GRM7: variants seen among roughly 807,000 people sequenced by gnomAD.
GRM7 encodes glutamate metabotropic receptor 7, also known as metabotropic glutamate receptor 7.
In GRM7, 35 loss-of-function variants were observed where a neutral mutation model predicts 84.5. The ratio of observed to expected loss-of-function variants is 0.41; its 90% confidence interval spans 0.32 to 0.55. The LOEUF (loss-of-function observed/expected upper bound fraction) is 0.55. Ranked by LOEUF, GRM7 falls within the 20% of genes least tolerant of loss-of-function variation. GRM7 has a pLI of 0.19. For missense variants in GRM7, 1,003 were observed against 1,194.6 expected (o/e 0.84, Z 2.36); for synonymous variants, 487 against 455.1 (o/e 1.07, Z -0.89).
intron 1 of GRM7, among the ~76,000 whole-genome samples, chr3:7,085,009 G>C (rs1038416012): frequency 6.6e-6 from 1 of 152,078 alleles, no homozygotes; most frequent in Non-Finnish European, 1.5e-5. Flanking sequence ...AAAGACAAAG[G>C]TGTCATGAGC....
At chr3:7,615,984 A>G (rs1295709616) in intron 8 of GRM7, among the ~76,000 whole-genome samples, 1 of 152,100 alleles carries the variant, frequency 6.6e-6, no homozygotes, top group Non-Finnish European at 1.5e-5. Flanking sequence ...ATAGTAGATA[A>G]GTAGATACAT....
intron 7 of GRM7, among the ~76,000 whole-genome samples, chr3:7,480,225 A>T (rs1699076482): frequency 6.6e-6 from 1 of 152,190 alleles, no homozygotes; most frequent in Non-Finnish European, 1.5e-5. Context: ...CAACTCCGCT[A>T]GGCCCCTCAA....
At chr3:6,907,750 A>C (rs1696631704) in intron 1 of GRM7, among the ~76,000 whole-genome samples, 1 of 152,196 alleles carries the variant, frequency 6.6e-6, no homozygotes, top group Non-Finnish European at 1.5e-5. Flanking sequence ...GTTCTTTTAG[A>C]AACAAATGTC....
intron 8 of GRM7, among the ~76,000 whole-genome samples, chr3:7,617,807 A>C (rs368425102): frequency 1.2e-4 from 18 of 152,258 alleles, no homozygotes; most frequent in African/African-American, 4.3e-4. Flanking sequence ...AACTATTCCA[A>C]ATGTCGACCT....
rs1165234212 is a variant in GRM7 at position 7,713,114 on chromosome 3, A to ATTTTTT, written c.2699-27239_2699-27238insTTTTTT. On this transcript the variant is annotated intron_variant, in intron 9 of 9. Transcript: ENST00000357716. ...ATATTCACAGATAGAGAGGATTCGA[A>ATTTTTT]TTTTGTTTTGTTTTTTTTTTTTTTT... Among the ~76,000 whole-genome samples the ATTTTTT allele has an allele frequency of 8.5e-5, 11 of 129,838 alleles. 1 individual carries two copies. Among genetic ancestry groups the ATTTTTT allele is most frequent in the African/African-American group, 2.2e-4 (7 of 32,050 alleles). The allele number at this position is 129,838 out of a possible 152,430, so 85.2% of individuals were successfully genotyped here.
At chr3:7,454,677 T>C (rs1215630880) in intron 6 of GRM7, among the ~76,000 whole-genome samples, 2 of 152,042 alleles carry the variant, frequency 1.3e-5, no homozygotes, top group Non-Finnish European at 2.9e-5. Flanking sequence ...TTGCGGATAA[T>C]GAGAGCCAGG....
chr3:6,939,512 A>G (rs1328596377), intron 1 of GRM7, among the ~76,000 whole-genome samples: 1 of 152,164 alleles, frequency 6.6e-6, no homozygotes, highest in Non-Finnish European at 1.5e-5. Context: ...AATAGAAAGC[A>G]TATATATTTC....
At chr3:7,254,248 T>C (rs956831988) in intron 2 of GRM7, among the ~76,000 whole-genome samples, 1 of 152,132 alleles carries the variant, frequency 6.6e-6, no homozygotes, top group African/African-American at 2.4e-5. Flanking sequence ...ACCTTGAAAG[T>C]ATGAATATTT....
chr3:7,384,437 A>C (rs997337837), intron 4 of GRM7, among the ~76,000 whole-genome samples: 11 of 152,326 alleles, frequency 7.2e-5, no homozygotes, highest in African/African-American at 2.6e-4. Flanking sequence ...GTTTGTGCCA[A>C]TGCTGTCCAA....
intron 1 of GRM7, among the ~76,000 whole-genome samples, chr3:6,957,040 G>A (rs1386946794): frequency 1.3e-5 from 2 of 152,126 alleles, no homozygotes; most frequent in Admixed American, 6.5e-5. Flanking sequence ...TATAGATATA[G>A]CGTTATAATT....
At chr3:7,487,336 A>C (rs1699358606) in intron 7 of GRM7, among the ~76,000 whole-genome samples, 1 of 152,202 alleles carries the variant, frequency 6.6e-6, no homozygotes, top group Admixed American at 6.5e-5. Flanking sequence ...CATGTCCTGA[A>C]GAGAATGCTG....
intron 1 of GRM7, among the ~76,000 whole-genome samples, chr3:7,044,070 C>T (rs1696720431): frequency 6.6e-6 from 1 of 152,226 alleles, no homozygotes; most frequent in Non-Finnish European, 1.5e-5. Context: ...AAAAATATCA[C>T]ATCACCTTAT....
chr3:7,301,979 A>G (rs60523912), intron 3 of GRM7, among the ~76,000 whole-genome samples: 1,707 of 152,290 alleles, frequency 0.011, 37 homozygotes, highest in African/African-American at 0.036. Context: ...AGTCATGGGT[A>G]TAGATGATTT....
intron 1 of GRM7, among the ~76,000 whole-genome samples, chr3:7,087,183 G>T (rs887462625): frequency 1.3e-5 from 2 of 152,120 alleles, no homozygotes; most frequent in African/African-American, 2.4e-5. Context: ...TAGTGGTTAA[G>T]ATATTTGGTT....
Position 7,342,846 on chromosome 3 carries a change from C to T in GRM7, c.1033+36194C>T, listed in dbSNP as rs1225311318. Among the ~76,000 whole-genome samples the T allele has an allele frequency of 3.3e-5, 5 of 152,070 alleles. No individual in the cohort carries two copies. In the East Asian group the frequency reaches 9.7e-4, roughly 29 times the overall value. On this transcript the variant is annotated intron_variant, in intron 4 of 9. Coordinates refer to ENST00000357716, the MANE Select transcript of GRM7 (RefSeq NM_000844.4). Reference sequence around the variant, plus strand: ...CAGCCTGCTGACATGCCAGCTCTACCACCTATGTGGTCTGTAGCTTTGGAC... The same window carrying T: ...CAGCCTGCTGACATGCCAGCTCTACTACCTATGTGGTCTGTAGCTTTGGAC...
At chr3:7,480,720 CA>C (rs1169779700) in intron 7 of GRM7, among the ~76,000 whole-genome samples, 1 of 152,138 alleles carries the variant, frequency 6.6e-6, no homozygotes, top group Admixed American at 6.6e-5. Context: ...TGTAGGGCTT[CA>C]AGCTATGGGT....
At chr3:6,964,394 G>A (rs1306761027) in intron 1 of GRM7, among the ~76,000 whole-genome samples, 1 of 151,956 alleles carries the variant, frequency 6.6e-6, no homozygotes, top group Admixed American at 6.6e-5. Context: ...CTTTTATGAG[G>A]GCACTAATCC....
chr3:6,922,775 T>C (rs1697168741), intron 1 of GRM7, among the ~76,000 whole-genome samples: 1 of 152,220 alleles, frequency 6.6e-6, no homozygotes. Context: ...GTCAGTTATT[T>C]AATGTTCTGT....
chr3:7,194,909 A>T (rs1695830664), intron 2 of GRM7, among the ~76,000 whole-genome samples: 1 of 152,142 alleles, frequency 6.6e-6, no homozygotes, highest in South Asian at 2.1e-4. Flanking sequence ...GGATTCTATG[A>T]TAGTCTATCT....
Sources: gnomAD v4.1 joint callset for allele counts (sites outside exome capture counted in the v4.1 genomes callset) on GRCh38, gnomAD v4.1.1 for gene constraint, MANE v1.5 for transcripts, NCBI Gene and HGNC (gene_info 2026-07-23, HGNC 2026-07-21) for gene names.